Variants in FAM216B observed in about 807,000 individuals in gnomAD.
The protein encoded by FAM216B is family with sequence similarity 216 member B, also known as protein FAM216B.
FAM216B carries 11 observed loss-of-function variants against 12.9 expected under a neutral mutation model. That is an observed-to-expected ratio of 0.86 (90% confidence interval 0.54 to 1.42). The LOEUF is 1.42. Ranked by LOEUF, FAM216B falls within the 40% of genes most tolerant of loss-of-function variation. The pLI is 0.00. For missense variants in FAM216B, 167 were observed against 162.9 expected (o/e 1.02, Z -0.14); for synonymous variants, 52 against 57.2 (o/e 0.91, Z 0.41).
In FAM216B at chr13:42,790,443, C is replaced by T. The variant is rs149064697; in HGVS notation, c.*1653C>T. 6 of 152,220 alleles carry T rather than the reference C, an allele frequency of 3.9e-5. No homozygotes were observed. In the East Asian group the frequency reaches 1.2e-3, roughly 29 times the overall value. 9.4% of individuals were successfully genotyped at this position (152,220 alleles called of 1,614,324 possible). ...ATCCCTGTATCAAAAATCTCAGAAG[C>T]ACCTTGCATCTGATAGAGGCTTGTA... On this transcript the variant is annotated 3_prime_UTR_variant, in exon 4 of 4. Coordinates refer to ENST00000313851, the MANE Select transcript of FAM216B (RefSeq NM_001318932.2).
rs767663248 is a variant in FAM216B, at chr13:42,788,665, G to A, written c.295G>A (p.Val99Ile). The A allele has an allele frequency of 6.8e-6, 11 of 1,613,804 alleles. No individual in the cohort carries two copies. Among genetic ancestry groups the A allele is most frequent in the Admixed American group, 3.3e-5 (2 of 59,982 alleles). ...TTCAACCAAGAGAGCCTCAGCCAAG[G>A]TAGCTCCTCAAAGAACCATTCCCCG... ...RDSTKRASAK[V>I]APQRTIPRKT... The change falls in exon 4 of 4, where the codon GTA becomes ATA. Residue 99 changes from valine to isoleucine, a missense_variant. Physicochemically the swap from Val to Ile is conservative, Grantham distance 29 (BLOSUM62 3). Coordinates refer to ENST00000313851, the MANE Select transcript of FAM216B (RefSeq NM_001318932.2).
rs570497741 is a variant in FAM216B at position 42,791,475 on chromosome 13, C to T, written c.*2685C>T. ...ACCTGAAATACTTCAATTTTTGATT[C>T]TATGTGGCAGTTTAGAGTTTTTTAA... On this transcript the variant is annotated 3_prime_UTR_variant, in exon 4 of 4. Coordinates refer to ENST00000313851, the MANE Select transcript of FAM216B (RefSeq NM_001318932.2). 6.6e-6 allele frequency: 1 copy of T among 152,148 alleles called. No individual in the cohort carries two copies. The highest frequency in any genetic ancestry group is 1.9e-4 in the East Asian group (1 of 5,192). The allele number at this position is 152,148 out of a possible 1,614,324, so 9.4% of individuals were successfully genotyped here.
intron 1 of FAM216B, among the ~76,000 whole-genome samples, 183 bp downstream of exon 1, chr13:42,781,847 A>C (rs1873869320): frequency 6.6e-6 from 1 of 152,234 alleles, no homozygotes; most frequent in Admixed American, 6.5e-5. Context: ...GCCATAAGAA[A>C]GAGCATCAGT....
At chr13:42,785,172 T>C (rs920431321) in intron 2 of FAM216B, among the ~76,000 whole-genome samples, 7 of 152,208 alleles carry the variant, frequency 4.6e-5, no homozygotes, top group African/African-American at 1.7e-4. Flanking sequence ...TCTTCAAATA[T>C]GTTATCCTTT....
chr13:42,783,565 G>A (rs974879271), intron 1 of FAM216B, among the ~76,000 whole-genome samples: 1 of 151,972 alleles, frequency 6.6e-6, no homozygotes, highest in South Asian at 2.1e-4. Context: ...CACTAAAAAA[G>A]TTTTGGATTT....
At position 42,788,541 on chromosome 13, in the gene FAM216B, TG is replaced by T. The variant is rs766035503; in HGVS notation, c.221-49del. 32 of 1,480,036 alleles carry T rather than the reference TG, an allele frequency of 2.2e-5. No individual in the cohort carries two copies. The South Asian group carries it at 3.0e-4, about 14-fold the overall frequency. The allele number at this position is 1,480,036 out of a possible 1,614,324, so 91.7% of individuals were successfully genotyped here. A position where few individuals can be genotyped will look rare whatever the true frequency, so the allele number is the denominator to read the frequency against. ...ATATTTGCAGTTTTGTTTTCTTATT[TG>T]CCTTGTAAAATTGTTGATTTTGAAG... is the stretch of plus-strand genomic sequence containing the variant. On this transcript the variant is annotated intron_variant, in intron 3 of 3. Transcript: ENST00000313851.
intron 1 of FAM216B, among the ~76,000 whole-genome samples, chr13:42,782,709 C>A (rs1445305902): frequency 6.6e-6 from 1 of 152,162 alleles, no homozygotes; most frequent in African/African-American, 2.4e-5. Flanking sequence ...ATACACACTT[C>A]AGACTCTAAA....
chr13:42,784,174 T>TTTC lies in FAM216B; in HGVS notation c.99+10_99+11insCTT. The TTTC allele has an allele frequency of 1.5e-6, 1 of 682,970 alleles. No individual in the cohort carries two copies. The highest frequency in any genetic ancestry group is 5.0e-5 in the African/African-American group (1 of 19,938). The allele number at this position is 682,970 out of a possible 1,614,324, so 42.3% of individuals were successfully genotyped here. On this transcript the variant is annotated intron_variant, in intron 2 of 3. Transcript: ENST00000313851. ...GACACTTCCTTACTAAAGGTATGGC[T>TTTC]TTTTTTTTTTTTTTTTTTTCACAGA...
chr13:42,788,414 T>A (rs1239960482), intron 3 of FAM216B, among the ~76,000 whole-genome samples, 177 bp from the exon 4 acceptor site: 1 of 152,158 alleles, frequency 6.6e-6, no homozygotes, highest in Admixed American at 6.5e-5. Context: ...ACTTATTGAA[T>A]GAGAAATACA....
chr13:42,787,825 A>T (rs1874149043), intron 3 of FAM216B, among the ~76,000 whole-genome samples: 2 of 152,362 alleles, frequency 1.3e-5, no homozygotes, highest in Non-Finnish European at 2.9e-5. Context: ...GTGCTCTTCT[A>T]AGAACTTTGC....
intron 2 of FAM216B, among the ~76,000 whole-genome samples, chr13:42,784,659 T>TAAAA (rs1464526794): frequency 8.2e-5 from 1 of 12,186 alleles, no homozygotes; most frequent in African/African-American, 3.2e-4. Flanking sequence ...CTACTAAAAA[T>TAAAA]ACAAAAAAAA....
At chr13:42,781,945 G>A (rs954635406) in intron 1 of FAM216B, among the ~76,000 whole-genome samples, 6 of 152,158 alleles carry the variant, frequency 3.9e-5, no homozygotes, top group African/African-American at 1.2e-4. Context: ...AAAATGGGAG[G>A]AGGGATATTG....
chr13:42,784,535 C>T (rs1050432147), intron 2 of FAM216B, among the ~76,000 whole-genome samples: 2 of 151,372 alleles, frequency 1.3e-5, no homozygotes, highest in Admixed American at 1.3e-4. Context: ...TTTCAGTTCT[C>T]GGCCGGGCGC....
intron 2 of FAM216B, 56 bp downstream of exon 2, chr13:42,784,222 C>A: frequency 1.6e-6 from 2 of 1,265,116 alleles, no homozygotes; most frequent in East Asian, 2.4e-5. Context: ...TCTGTCTCTC[C>A]TTCAAGGTTT....
In FAM216B at chr13:42,789,538, A is replaced by C. The variant is rs1874231362; in HGVS notation, c.*748A>C. 1 of 152,236 alleles carries C rather than the reference A, an allele frequency of 6.6e-6. No individual in the cohort carries two copies. The highest frequency in any genetic ancestry group is 6.5e-5 in the Admixed American group (1 of 15,278). The allele number at this position is 152,236 out of a possible 1,614,324, so 9.4% of individuals were successfully genotyped here. ...TCTGTGGCCTCAAATGTTTTAAGCA[A>C]AGCACATAAAACTATACTAAGCAGT... On this transcript the variant is annotated 3_prime_UTR_variant, in exon 4 of 4. Coordinates refer to ENST00000313851, the MANE Select transcript of FAM216B (RefSeq NM_001318932.2).
rs951664960 is a variant in FAM216B, at chr13:42,790,719, A to T, written c.*1929A>T. ...CAACCTGTAACTTTTAGAAAAGGCT[A>T]CTACTTTTAACTGTTGGAGAAAATG... On this transcript the variant is annotated 3_prime_UTR_variant, in exon 4 of 4. Transcript: ENST00000313851. 1 of 152,186 alleles carries T rather than the reference A, an allele frequency of 6.6e-6. No individual in the cohort carries two copies. The highest frequency in any genetic ancestry group is 2.4e-5 in the African/African-American group (1 of 41,442). 9.4% of individuals were successfully genotyped at this position (152,186 alleles called of 1,614,324 possible). A position where few individuals can be genotyped will look rare whatever the true frequency, so the allele number is the denominator to read the frequency against.
At chr13:42,782,081 G>A (rs1873876056) in intron 1 of FAM216B, among the ~76,000 whole-genome samples, 1 of 152,184 alleles carries the variant, frequency 6.6e-6, no homozygotes, top group South Asian at 2.1e-4. Flanking sequence ...AATATTTACA[G>A]TTTAATTTAG....
chr13:42,788,877 G>A lies in FAM216B; in HGVS notation c.*87G>A. 4 of 1,267,910 alleles carry A rather than the reference G, an allele frequency of 3.2e-6. No individual in the cohort carries two copies. Among genetic ancestry groups the A allele is most frequent in the Non-Finnish European group, 4.3e-6 (4 of 929,506 alleles). 78.5% of individuals were successfully genotyped at this position (1,267,910 alleles called of 1,614,324 possible). On this transcript the variant is annotated 3_prime_UTR_variant, in exon 4 of 4. Coordinates refer to ENST00000313851, the MANE Select transcript of FAM216B (RefSeq NM_001318932.2). Reference sequence around the variant, plus strand: ...CTTTGTGCATATTTGTTGAATGACAGTGAATAATTTCTAATATAAACCCCA... The same window carrying A: ...CTTTGTGCATATTTGTTGAATGACAATGAATAATTTCTAATATAAACCCCA...
rs931344065 is a variant in FAM216B at position 42,791,492 on chromosome 13, GTTT to G, written c.*2706_*2708del. 1 of 152,066 alleles carries G rather than the reference GTTT, an allele frequency of 6.6e-6. No homozygotes were observed. The highest frequency in any genetic ancestry group is 1.5e-5 in the Non-Finnish European group (1 of 67,996). 9.4% of individuals were successfully genotyped at this position (152,066 alleles called of 1,614,324 possible). A position where few individuals can be genotyped will look rare whatever the true frequency, so the allele number is the denominator to read the frequency against. The stretch of plus-strand genomic sequence containing the variant: ...TTTTGATTCTATGTGGCAGTTTAGA[GTTT>G]TTTAAAACAATTTTTATGTATAATT... On this transcript the variant is annotated 3_prime_UTR_variant, in exon 4 of 4. Coordinates refer to ENST00000313851, the MANE Select transcript of FAM216B (RefSeq NM_001318932.2).
Sources: gnomAD v4.1 joint callset for allele counts (sites outside exome capture counted in the v4.1 genomes callset) on GRCh38, gnomAD v4.1.1 for gene constraint, MANE v1.5 for transcripts, NCBI Gene and HGNC (gene_info 2026-07-23, HGNC 2026-07-21) for gene names.